The following PARD3B variants were observed in gnomAD, a reference collection of about 807,000 sequenced individuals.
PARD3B encodes the protein partitioning defective 3 homolog B.
In PARD3B, 103 loss-of-function variants were observed where a neutral mutation model predicts 130.2. That is an observed-to-expected ratio of 0.79 (90% CI 0.67 to 0.93). The LOEUF (loss-of-function observed/expected upper bound fraction) is 0.93. Among genes scored for constraint, PARD3B ranks in the 40% least tolerant of loss-of-function variants. PARD3B has a pLI of 0.00. For missense variants in PARD3B, 1,609 were observed against 1,499.2 expected (o/e 1.07, Z -1.21); for synonymous variants, 583 against 553.2 (o/e 1.05, Z -0.76).
intron 1 of PARD3B, among the ~76,000 whole-genome samples, chr2:204,575,023 A>C (rs2032184122): frequency 1.1e-5 from 1 of 90,640 alleles, no homozygotes; most frequent in South Asian, 5.0e-4. Flanking sequence ...CATTATAATT[A>C]CTTTGCTGAT....
chr2:205,363,269 C>G (rs1362406385), intron 18 of PARD3B, among the ~76,000 whole-genome samples: 1 of 152,044 alleles, frequency 6.6e-6, no homozygotes, highest in Non-Finnish European at 1.5e-5. Flanking sequence ...GAGAACTGTC[C>G]CCAGAAGAGC....
intron 19 of PARD3B, among the ~76,000 whole-genome samples, chr2:205,422,331 CGT>C (rs2046998474): frequency 6.6e-6 from 1 of 152,202 alleles, no homozygotes; most frequent in East Asian, 1.9e-4. Flanking sequence ...CACAGATCAT[CGT>C]AGGGAGCTTA....
At chr2:205,041,774 A>G (rs1698411738) in intron 3 of PARD3B, among the ~76,000 whole-genome samples, 1 of 152,084 alleles carries the variant, frequency 6.6e-6, no homozygotes, top group Non-Finnish European at 1.5e-5. Flanking sequence ...AATTTAGAAC[A>G]TGTGCCTTGT....
At chr2:204,592,621 T>G (rs1052633536) in intron 1 of PARD3B, among the ~76,000 whole-genome samples, 4 of 152,224 alleles carry the variant, frequency 2.6e-5, no homozygotes, top group Non-Finnish European at 5.9e-5. Context: ...TTTATTGGTG[T>G]ATAATTCACA....
chr2:204,748,011 C>T (rs916732762), intron 2 of PARD3B, among the ~76,000 whole-genome samples: 1 of 151,814 alleles, frequency 6.6e-6, no homozygotes, highest in African/African-American at 2.4e-5. Flanking sequence ...GATGACAGGC[C>T]TTGGGTAATG....
chr2:205,601,147 C>G (rs540540931), intron 22 of PARD3B, among the ~76,000 whole-genome samples: 1 of 152,336 alleles, frequency 6.6e-6, no homozygotes, highest in African/African-American at 2.4e-5. Flanking sequence ...TTTTTCTCCA[C>G]AGCCTCGCTG....
chr2:205,441,814 G>A (rs901979085), intron 20 of PARD3B, among the ~76,000 whole-genome samples: 1 of 152,158 alleles, frequency 6.6e-6, no homozygotes, highest in African/African-American at 2.4e-5. Flanking sequence ...GGGAAGGAAG[G>A]AGCAATTTTT....
At chr2:205,002,227 C>A (rs573551560) in intron 3 of PARD3B, among the ~76,000 whole-genome samples, 2 of 152,310 alleles carry the variant, frequency 1.3e-5, no homozygotes, top group East Asian at 3.9e-4. Flanking sequence ...GTCTCTCAAA[C>A]AGCCCTGTTT....
intron 18 of PARD3B, among the ~76,000 whole-genome samples, chr2:205,365,060 C>T (rs1171170362): frequency 1.3e-5 from 2 of 151,850 alleles, no homozygotes; most frequent in African/African-American, 2.4e-5. Flanking sequence ...ATTAGCCAGG[C>T]ATGGTGGCAG....
In PARD3B at chr2:205,058,609, T is replaced by C. The variant is rs116494739; in HGVS notation, c.504+10919T>C. ...ACATCCTTGCCAACACTTGTTGGTT[T>C]CTGTTTTGTTTTTAGTAATCATCCT... On this transcript the variant is annotated intron_variant, in intron 4 of 22. Transcript: ENST00000406610. 7.7e-3 allele frequency among the ~76,000 whole-genome samples: 1,167 copies of C among 152,092 alleles called. 9 individuals carry two copies. Among genetic ancestry groups the C allele is most frequent in the African/African-American group, 0.025 (1,024 of 41,540 alleles).
intron 15 of PARD3B, among the ~76,000 whole-genome samples, chr2:205,222,401 C>G (rs929204150): frequency 9.9e-5 from 15 of 152,132 alleles, no homozygotes; most frequent in Non-Finnish European, 1.8e-4. Flanking sequence ...CCCTTCTTAG[C>G]CTAAGTTCCC....
At chr2:205,380,982 TATA>T (rs1334350237) in intron 18 of PARD3B, among the ~76,000 whole-genome samples, 5 of 108,642 alleles carry the variant, frequency 4.6e-5, no homozygotes, top group African/African-American at 1.5e-4. Flanking sequence ...ATATATTATA[TATA>T]ATATCTAAAG....
intron 3 of PARD3B, among the ~76,000 whole-genome samples, chr2:205,036,489 A>C (rs534986920): frequency 2.7e-5 from 4 of 148,548 alleles, no homozygotes; most frequent in African/African-American, 9.8e-5. Context: ...ATATATAAAA[A>C]CATATAGCAG....
chr2:205,483,198 ATAGGGAATGGAACACT>A (rs1459633734), intron 20 of PARD3B, among the ~76,000 whole-genome samples: 1 of 152,178 alleles, frequency 6.6e-6, no homozygotes, highest in Non-Finnish European at 1.5e-5. Context: ...ATTAATATTC[ATAGGGAATGGAACACT>A]TTGGGTTTTG....
At position 205,446,358 on chromosome 2, in the gene PARD3B, A is replaced by G. The variant is rs998103651; in HGVS notation, c.3044+5686A>G. Among the ~76,000 whole-genome samples the G allele has an allele frequency of 5.9e-5, 9 of 152,200 alleles. No homozygotes were observed. The highest frequency in any genetic ancestry group is 1.3e-4 in the Admixed American group (2 of 15,278). ...ACGTGAGATATAATCCTGGAATTCA[A>G]TAGGCTGTTTAATAGCATAGGCGGT... On this transcript the variant is annotated intron_variant, in intron 20 of 22. Transcript: ENST00000406610. The surrounding 1 kb of genome is among the most constrained non-coding windows in gnomAD (Gnocchi z 4.4).
chr2:204,627,649 T>A (rs1196022590), intron 1 of PARD3B, among the ~76,000 whole-genome samples: 1 of 152,180 alleles, frequency 6.6e-6, no homozygotes, highest in Non-Finnish European at 1.5e-5. Context: ...GATCTATTCA[T>A]GTTGTCATAT....
intron 2 of PARD3B, among the ~76,000 whole-genome samples, chr2:204,883,440 T>TATATATATATATA (rs2046141621): frequency 9.8e-6 from 1 of 102,318 alleles, no homozygotes; most frequent in Admixed American, 9.9e-5. Context: ...ATAAAATATA[T>TATATATATATATA]ATATATATAT....
chr2:204,773,291 A>C (rs1054564648), intron 2 of PARD3B, among the ~76,000 whole-genome samples: 1 of 151,988 alleles, frequency 6.6e-6, no homozygotes, highest in Non-Finnish European at 1.5e-5. Flanking sequence ...TCTGCATACT[A>C]GACCTTACTT....
intron 2 of PARD3B, among the ~76,000 whole-genome samples, chr2:204,893,215 T>A (rs1345968406): frequency 6.6e-6 from 1 of 152,174 alleles, no homozygotes; most frequent in African/African-American, 2.4e-5. Flanking sequence ...ATGAGTAAGA[T>A]GAGGACTCTG....
Sources: allele counts gnomAD v4.1 joint callset (sites outside exome capture counted in the v4.1 genomes callset), GRCh38; gene constraint gnomAD v4.1.1; non-coding constraint Gnocchi (gnomAD v3.1); transcripts MANE v1.5; gene names NCBI Gene and HGNC (gene_info 2026-07-23, HGNC 2026-07-21).